SSU72: variants seen among roughly 807,000 people sequenced by gnomAD.
The protein encoded by SSU72 is SSU72 homolog, RNA polymerase II CTD phosphatase, also known as RNA polymerase II subunit A C-terminal domain phosphatase SSU72.
In SSU72, 12 loss-of-function variants were observed where a neutral mutation model predicts 22.7. The observed-to-expected ratio is 0.53, with a 90% CI of 0.34 to 0.86. The LOEUF is 0.86. SSU72 is among the 40% of genes least tolerant of loss of function. SSU72 has a pLI of 0.02. For missense variants in SSU72, 151 were observed against 249.8 expected, an observed-to-expected ratio of 0.60 and a Z score of 2.67; for synonymous variants, 116 against 98.3, an observed-to-expected ratio of 1.18 and a Z score of -1.06.
At position 1,554,358 on chromosome 1, in the gene SSU72, C is replaced by T. The variant is rs1424761705; in HGVS notation, c.225-9356G>A. 6.6e-6 allele frequency among the ~76,000 whole-genome samples: 1 copy of T among 151,936 alleles called. No homozygotes were observed. Among genetic ancestry groups the T allele is most frequent in the Non-Finnish European group, 1.5e-5 (1 of 67,948 alleles). On this transcript the variant is annotated intron_variant, in intron 2 of 4. Transcript: ENST00000291386. This position sits in a 1 kb window ranked among gnomAD's most constrained non-coding sequence, Gnocchi z 4.1. ...GCGGATCCGGACCACTCGGGGGTCC[C>T]CACGAAGCTGAGCATGAGGCGGATC...
intron 1 of SSU72, among the ~76,000 whole-genome samples, chr1:1,569,915 G>A (rs1570400932): frequency 6.6e-6 from 1 of 152,086 alleles, no homozygotes; most frequent in East Asian, 1.9e-4. Flanking sequence ...GTTTTATGTA[G>A]CCCTACCCAA....
At chr1:1,573,160 C>T (rs1430445321) in intron 1 of SSU72, among the ~76,000 whole-genome samples, 1 of 151,256 alleles carries the variant, frequency 6.6e-6, no homozygotes, top group Non-Finnish European at 1.5e-5. Context: ...CAGTGGCTCA[C>T]GCCTGTAATC....
intron 1 of SSU72, among the ~76,000 whole-genome samples, chr1:1,568,505 G>A (rs1642689147): frequency 6.7e-6 from 1 of 150,164 alleles, no homozygotes; most frequent in African/African-American, 2.5e-5. Context: ...TCCGGAGGCT[G>A]AGGCTGGAGA....
At chr1:1,544,175 G>A (rs1398115979) in intron 3 of SSU72, among the ~76,000 whole-genome samples, 188 bp from the exon 4 acceptor site, 2 of 152,202 alleles carry the variant, frequency 1.3e-5, no homozygotes, top group Non-Finnish European at 2.9e-5. Flanking sequence ...GAGGAAACCT[G>A]AGCAAATCTC....
chr1:1,574,002 A>T (rs1642772309), intron 1 of SSU72, among the ~76,000 whole-genome samples: 1 of 146,760 alleles, frequency 6.8e-6, no homozygotes, highest in Non-Finnish European at 1.5e-5. Context: ...CGTTCCAGGG[A>T]GGAAGAGAGG....
intron 2 of SSU72, among the ~76,000 whole-genome samples, chr1:1,547,485 T>A (rs905452185): frequency 2.4e-4 from 36 of 152,266 alleles, no homozygotes; most frequent in South Asian, 1.0e-3. Flanking sequence ...GGCGAGGAGA[T>A]GCGAGGTGAG....
intron 1 of SSU72, among the ~76,000 whole-genome samples, chr1:1,573,929 G>T (rs1482089595): frequency 6.6e-6 from 1 of 151,832 alleles, no homozygotes; most frequent in African/African-American, 2.4e-5. Context: ...CAGTTAGCAG[G>T]GAATATAAAC....
At chr1:1,573,381 G>GA (rs1281631129) in intron 1 of SSU72, among the ~76,000 whole-genome samples, 1 of 142,708 alleles carries the variant, frequency 7.0e-6, no homozygotes, top group African/African-American at 2.5e-5. Context: ...AGTGAGCCGA[G>GA]ATCGCGCTAC....
intron 4 of SSU72, 33 bp downstream of exon 4, chr1:1,543,836 T>C: frequency 2.6e-6 from 4 of 1,561,150 alleles, no homozygotes; most frequent in Admixed American, 3.3e-5. Flanking sequence ...TGTCACAACC[T>C]CTGCCCAGCG....
intron 2 of SSU72, among the ~76,000 whole-genome samples, chr1:1,560,311 C>T (rs543260904): frequency 1.3e-5 from 2 of 152,254 alleles, no homozygotes; most frequent in South Asian, 2.1e-4. Flanking sequence ...ACACCCACCA[C>T]ATCTGTGTGT....
chr1:1,543,625 C>A (rs1349058101), intron 4 of SSU72, among the ~76,000 whole-genome samples: 2 of 152,090 alleles, frequency 1.3e-5, no homozygotes, highest in Non-Finnish European at 2.9e-5. Flanking sequence ...CGGCCACTCC[C>A]CACTGTCACG....
rs1642640827 is a variant in SSU72 at position 1,565,007 on chromosome 1, A to C, written c.81-91T>G. On this transcript the variant is annotated intron_variant, in intron 1 of 4. Transcript: ENST00000291386. ...CAGCAAATGGGATAGAAACAAAATG[A>C]GTAATTTCATTGGCTCATAGTAGAG... The C allele has an allele frequency of 2.7e-6, 4 of 1,475,356 alleles. No homozygotes were observed. The South Asian group carries it at 5.5e-5, about 20-fold the overall frequency. 91.4% of individuals were successfully genotyped at this position (1,475,356 alleles called of 1,614,324 possible). A position where few individuals can be genotyped will look rare whatever the true frequency, so the allele number is the denominator to read the frequency against.
At chr1:1,552,144 G>C (rs375435858) in intron 2 of SSU72, among the ~76,000 whole-genome samples, 1 of 152,048 alleles carries the variant, frequency 6.6e-6, no homozygotes, top group East Asian at 1.9e-4. Flanking sequence ...CCATCCTCAC[G>C]CTGGCCGCGT....
chr1:1,563,452 AACT>A (rs1477167597), intron 2 of SSU72: 1 of 150,422 alleles, frequency 6.6e-6, no homozygotes, highest in Non-Finnish European at 1.5e-5. Flanking sequence ...GAATCGCTTG[AACT>A]TGGGAGGGGG....
chr1:1,571,298 TGGCA>T (rs1314803934), intron 1 of SSU72, among the ~76,000 whole-genome samples: 1 of 125,588 alleles, frequency 8.0e-6, no homozygotes, highest in Non-Finnish European at 1.6e-5. Flanking sequence ...CTGGGAGTGG[TGGCA>T]GGCGCCTGTA....
intron 2 of SSU72, chr1:1,545,786 A>G (rs887374530): frequency 6.6e-6 from 1 of 151,122 alleles, no homozygotes; most frequent in Non-Finnish European, 1.5e-5. Context: ...AAAGAAAAAG[A>G]AAAAAAAACA....
rs1642334897 is a variant in SSU72, at chr1:1,542,501, C to A, written c.484-334G>T. Reference sequence around the variant, plus strand: ...GCACAGCGGGGCCGACCAACCCTCACCGCCAGCGCTTCCACACCACCAACA... The same window carrying A: ...GCACAGCGGGGCCGACCAACCCTCAACGCCAGCGCTTCCACACCACCAACA... On this transcript the variant is annotated intron_variant, in intron 4 of 4. Coordinates refer to ENST00000291386, the MANE Select transcript of SSU72 (RefSeq NM_014188.3). This position sits in a 1 kb window ranked among gnomAD's most constrained non-coding sequence, Gnocchi z 4.4. Among the ~76,000 whole-genome samples, 1 of 152,178 alleles carries A rather than the reference C, an allele frequency of 6.6e-6. No homozygotes were observed. The highest frequency in any genetic ancestry group is 2.4e-5 in the African/African-American group (1 of 41,440).
intron 2 of SSU72, among the ~76,000 whole-genome samples, chr1:1,549,840 G>A (rs1642435497): frequency 6.6e-6 from 1 of 152,048 alleles, no homozygotes; most frequent in Admixed American, 6.5e-5. Flanking sequence ...CGGGCATGGT[G>A]GCGGGTGCCT....
intron 2 of SSU72, among the ~76,000 whole-genome samples, chr1:1,549,929 C>A (rs182101681): frequency 2.0e-5 from 3 of 149,956 alleles, no homozygotes; most frequent in Admixed American, 6.7e-5. Flanking sequence ...GCCGAGATTG[C>A]GCCTCTATAC....
Sources: allele counts gnomAD v4.1 joint callset (sites outside exome capture counted in the v4.1 genomes callset), GRCh38; gene constraint gnomAD v4.1.1; non-coding constraint Gnocchi (gnomAD v3.1); transcripts MANE v1.5; gene names NCBI Gene and HGNC (gene_info 2026-07-23, HGNC 2026-07-21).